Variants in FSIP1 observed in about 807,000 individuals in gnomAD.
FSIP1 encodes the protein fibrous sheath-interacting protein 1.
Under a neutral mutation model 60.9 loss-of-function variants are expected in FSIP1, and 65 were observed. The ratio of observed to expected loss-of-function variants is 1.07; its 90% CI spans 0.87 to 1.31. The LOEUF is 1.31. Among genes scored for constraint, FSIP1 ranks in the 40% most tolerant of loss-of-function variants. The probability of loss-of-function intolerance (pLI) is 0.00; values close to 1 mark genes in which losing one functional copy is unlikely to be tolerated. For synonymous variants in FSIP1, 209 were observed against 221.2 expected, an observed-to-expected ratio of 0.94 and a Z score of 0.49; for missense variants, 675 against 665.5, an observed-to-expected ratio of 1.01 and a Z score of -0.16.
chr15:39,746,182 A>T (rs2140657354), intron 5 of FSIP1, among the ~76,000 whole-genome samples: 1 of 152,334 alleles, frequency 6.6e-6, no homozygotes, highest in Middle Eastern at 3.4e-3. Context: ...TCTGGAAAAA[A>T]TTGCCACCAA....
chr15:39,702,948 T>C (rs1441506780), intron 10 of FSIP1, among the ~76,000 whole-genome samples: 1 of 151,088 alleles, frequency 6.6e-6, no homozygotes. Flanking sequence ...GAAAAATAAG[T>C]AATATTATAA....
chr15:39,611,114 A>G (rs1047877446), intron 11 of FSIP1, among the ~76,000 whole-genome samples: 4 of 152,222 alleles, frequency 2.6e-5, no homozygotes, highest in Admixed American at 1.3e-4. Flanking sequence ...TTTTCTCTGT[A>G]TTATGAGAGT....
intron 2 of FSIP1, among the ~76,000 whole-genome samples, chr15:39,775,213 C>T (rs910155075): frequency 6.6e-6 from 1 of 152,056 alleles, no homozygotes; most frequent in African/African-American, 2.4e-5. Flanking sequence ...CTCAGGGTCT[C>T]ACAATGTTGC....
chr15:39,670,224 G>C (rs900598556), intron 10 of FSIP1, among the ~76,000 whole-genome samples: 1 of 152,096 alleles, frequency 6.6e-6, no homozygotes, highest in African/African-American at 2.4e-5. Flanking sequence ...TTCATTCAAC[G>C]TCCAGAATGT....
At chr15:39,672,715 T>C (rs888530868) in intron 10 of FSIP1, among the ~76,000 whole-genome samples, 6 of 152,208 alleles carry the variant, frequency 3.9e-5, no homozygotes, top group African/African-American at 1.4e-4. Context: ...ACGGTAGTTA[T>C]TAAAATTTCT....
At chr15:39,711,287 C>T (rs956247565) in intron 10 of FSIP1, among the ~76,000 whole-genome samples, 2 of 151,670 alleles carry the variant, frequency 1.3e-5, no homozygotes, top group African/African-American at 4.9e-5. Flanking sequence ...TACGTCCTCA[C>T]ATGGTAAAAG....
chr15:39,716,688 A>G (rs1365701882), intron 9 of FSIP1, among the ~76,000 whole-genome samples: 3 of 152,216 alleles, frequency 2.0e-5, no homozygotes, highest in Non-Finnish European at 4.4e-5. Flanking sequence ...CACAGCCACT[A>G]GCATGGCCCA....
At chr15:39,674,378 A>G (rs77386105) in intron 10 of FSIP1, among the ~76,000 whole-genome samples, 2,104 of 152,300 alleles carry the variant, frequency 0.014, 17 homozygotes, top group Non-Finnish European at 0.023. Flanking sequence ...TTCTAGTCAA[A>G]ATCGTACATG....
intron 10 of FSIP1, among the ~76,000 whole-genome samples, chr15:39,691,854 G>A (rs946147018): frequency 6.6e-6 from 1 of 152,134 alleles, no homozygotes; most frequent in African/African-American, 2.4e-5. Flanking sequence ...CTTTCAAGAG[G>A]CTTAAAGCCC....
At chr15:39,698,109 G>A (rs553295364) in intron 10 of FSIP1, among the ~76,000 whole-genome samples, 16 of 151,154 alleles carry the variant, frequency 1.1e-4, no homozygotes, top group Non-Finnish European at 2.4e-4. Flanking sequence ...ACCTTGAAAG[G>A]TGGCTGAGTC....
chr15:39,632,845 C>T (rs889140989), intron 10 of FSIP1, among the ~76,000 whole-genome samples: 2 of 152,084 alleles, frequency 1.3e-5, no homozygotes, highest in Non-Finnish European at 2.9e-5. Flanking sequence ...AATGAGCAGC[C>T]TTTATTTCCT....
At position 39,675,981 on chromosome 15, in the gene FSIP1, C is replaced by T. The variant is rs529409031; in HGVS notation, c.1188+37463G>A. Among the ~76,000 whole-genome samples, 19 of 146,586 alleles carry T rather than the reference C, an allele frequency of 1.3e-4. 1 individual carries two copies. The South Asian group carries it at 3.3e-3, about 26-fold the overall frequency. On this transcript the variant is annotated intron_variant, in intron 10 of 11. Transcript: ENST00000350221. ...GAGTTCGAGACCAGCCTGGGCTACACGGTGAAACCCTGTCTCTACTAAAAA... is the reference window on the plus strand; with the variant it reads ...GAGTTCGAGACCAGCCTGGGCTACATGGTGAAACCCTGTCTCTACTAAAAA...
intron 10 of FSIP1, among the ~76,000 whole-genome samples, chr15:39,683,046 A>T (rs1221950417): frequency 6.6e-6 from 1 of 152,178 alleles, no homozygotes; most frequent in Non-Finnish European, 1.5e-5. Flanking sequence ...AACAAAATAC[A>T]CTGGCAGTAA....
intron 10 of FSIP1, among the ~76,000 whole-genome samples, chr15:39,665,714 T>G (rs1467381758): frequency 6.6e-6 from 1 of 152,164 alleles, no homozygotes; most frequent in Admixed American, 6.5e-5. Flanking sequence ...TTTTGTCTAT[T>G]AGTAAAAGAA....
rs781024570 is a variant in FSIP1, at chr15:39,618,241, T to C, written c.1193A>G (p.Glu398Gly). ...KLKMMKENVL[E>G]STSCLSEEQL... ...TTCTTCAGAGAGACATGATGTGGAC[T>C]CTAACTGATGAAACAAACCAAAAGA... Residue 398 changes from glutamate (E) to glycine (G), a missense_variant, in exon 11 of 12, where the codon GAG becomes GGG. Transcript: ENST00000350221. The C allele has an allele frequency of 6.3e-7, 1 of 1,593,374 alleles. No individual in the cohort carries two copies. Among genetic ancestry groups the C allele is most frequent in the Non-Finnish European group, 8.6e-7 (1 of 1,166,596 alleles).
At chr15:39,672,522 A>C (rs1370684025) in intron 10 of FSIP1, among the ~76,000 whole-genome samples, 1 of 152,212 alleles carries the variant, frequency 6.6e-6, no homozygotes, top group African/African-American at 2.4e-5. Context: ...TTAGGAATTA[A>C]AGCAATTGGC....
chr15:39,670,081 A>T (rs1893656110), intron 10 of FSIP1, among the ~76,000 whole-genome samples: 1 of 152,208 alleles, frequency 6.6e-6, no homozygotes, highest in Non-Finnish European at 1.5e-5. Flanking sequence ...AAAGACTGTA[A>T]TTTTAAGCTA....
rs370284841 is a variant in FSIP1, at chr15:39,763,803, A to G, written c.559+18T>C. ...ACTCAGATAAAAACAAAGTTGAATG[A>G]CATCTCCATCTACTCACCAACAGTT... On this transcript the variant is annotated intron_variant, in intron 5 of 11. Transcript: ENST00000350221. 1.3e-5 allele frequency: 16 copies of G among 1,264,388 alleles called. No homozygotes were observed. The African/African-American group carries it at 2.2e-4, about 18-fold the overall frequency. The allele number at this position is 1,264,388 out of a possible 1,614,324, so 78.3% of individuals were successfully genotyped here. A position where few individuals can be genotyped will look rare whatever the true frequency, so the allele number is the denominator to read the frequency against.
intron 10 of FSIP1, among the ~76,000 whole-genome samples, chr15:39,648,461 T>G (rs903435286): frequency 2.0e-5 from 3 of 152,216 alleles, no homozygotes; most frequent in African/African-American, 7.2e-5. Context: ...TCGTAAGTTC[T>G]TAAAAGTTCT....
Sources: allele counts gnomAD v4.1 joint callset (sites outside exome capture counted in the v4.1 genomes callset), GRCh38; gene constraint gnomAD v4.1.1; transcripts MANE v1.5; gene names NCBI Gene and HGNC (gene_info 2026-07-23, HGNC 2026-07-21).